Variants in CPPED1 observed in about 807,000 individuals in gnomAD.
CPPED1 encodes the protein calcineurin like phosphoesterase domain containing 1, also known as serine/threonine-protein phosphatase CPPED1.
A neutral mutation model predicts 28.0 loss-of-function variants in CPPED1; 28 were observed. The observed-to-expected ratio is 1.00, with a 90% CI of 0.74 to 1.37. CPPED1 has a LOEUF of 1.37. CPPED1 is among the 40% of genes most tolerant of loss of function. CPPED1 has a pLI of 0.00. For missense variants in CPPED1, 504 were observed against 416.5 expected, an observed-to-expected ratio of 1.21 and a Z score of -1.83; for synonymous variants, 198 against 180.2, an observed-to-expected ratio of 1.10 and a Z score of -0.79.
At chr16:12,712,417 CATG>C (rs1429593060) in intron 2 of CPPED1, among the ~76,000 whole-genome samples, 2 of 152,204 alleles carry the variant, frequency 1.3e-5, no homozygotes, top group Non-Finnish European at 2.9e-5. Flanking sequence ...TTAATAACTT[CATG>C]ATATTGAGTG....
rs1007488607 is a variant in CPPED1, at chr16:12,795,391, G to A, written c.70+8316C>T. Among the ~76,000 whole-genome samples the A allele has an allele frequency of 2.0e-5, 3 of 152,154 alleles. No homozygotes were observed. The South Asian group carries it at 6.2e-4, about 31-fold the overall frequency. On this transcript the variant is annotated intron_variant, in intron 1 of 3. Transcript: ENST00000381774. ...GTCTCGCTCTGTGGCCCAGCCTGGAGTACAGTGGCATGATCTTGGCTCACT... is the reference window on the plus strand; with the variant it reads ...GTCTCGCTCTGTGGCCCAGCCTGGAATACAGTGGCATGATCTTGGCTCACT...
At chr16:12,800,484 G>A (rs1015069848) in intron 1 of CPPED1, among the ~76,000 whole-genome samples, 1 of 151,652 alleles carries the variant, frequency 6.6e-6, no homozygotes, top group Non-Finnish European at 1.5e-5. Context: ...TGCAGCCTCT[G>A]GACAAATCCT....
Position 12,762,350 on chromosome 16 carries a change from T to A in CPPED1, c.289+18835A>T, listed in dbSNP as rs1470422044. On this transcript the variant is annotated intron_variant, in intron 2 of 3. Coordinates refer to ENST00000381774, the MANE Select transcript of CPPED1 (RefSeq NM_018340.3). ...TAAAAATATGATATTGTACTAGTTA[T>A]GCTGTATGTCAGGGCAAGAATCTAA... 1.3e-5 allele frequency among the ~76,000 whole-genome samples: 2 copies of A among 152,250 alleles called. 1 individual carries two copies. Among genetic ancestry groups the A allele is most frequent in the Admixed American group, 1.3e-4 (2 of 15,288 alleles).
At position 12,741,992 on chromosome 16, in the gene CPPED1, G is replaced by A. The variant is rs537258502; in HGVS notation, c.290-36943C>T. 3.9e-5 allele frequency among the ~76,000 whole-genome samples: 6 copies of A among 152,184 alleles called. No homozygotes were observed. In the South Asian group the frequency reaches 1.2e-3, roughly 32 times the overall value. ...GAGGCGGGACAATCGCTTGAACCTG[G>A]GAGGGGGAGGTCACAGTGAGTCGAG... On this transcript the variant is annotated intron_variant, in intron 2 of 3. Coordinates refer to ENST00000381774, the MANE Select transcript of CPPED1 (RefSeq NM_018340.3).
intron 2 of CPPED1, among the ~76,000 whole-genome samples, chr16:12,724,779 T>C (rs1202667295): frequency 1.3e-5 from 2 of 152,184 alleles, no homozygotes; most frequent in Admixed American, 6.6e-5. Flanking sequence ...AGCTCTGAAA[T>C]GACACGATTC....
At chr16:12,741,472 G>C (rs2080255043) in intron 2 of CPPED1, among the ~76,000 whole-genome samples, 1 of 152,150 alleles carries the variant, frequency 6.6e-6, no homozygotes, top group Admixed American at 6.5e-5. Context: ...AGCAGTTTTT[G>C]CAATGGGCCT....
chr16:12,768,305 G>T (rs1001601609), intron 2 of CPPED1, among the ~76,000 whole-genome samples: 4 of 152,176 alleles, frequency 2.6e-5, no homozygotes, highest in African/African-American at 9.7e-5. Context: ...ATAAGGCGAG[G>T]CTCTCTGTTT....
intron 3 of CPPED1, among the ~76,000 whole-genome samples, chr16:12,696,023 C>T (rs1040392794): frequency 2.6e-5 from 4 of 152,184 alleles, no homozygotes; most frequent in African/African-American, 9.7e-5. Context: ...CCAGTACCCC[C>T]TTTTGTTAAA....
At chr16:12,706,837 C>T (rs1314878807) in intron 2 of CPPED1, among the ~76,000 whole-genome samples, 2 of 152,136 alleles carry the variant, frequency 1.3e-5, no homozygotes, top group Admixed American at 1.3e-4. Context: ...CAGGGGTCAG[C>T]CAGCCTTTCC....
chr16:12,727,363 T>G (rs1055900198), intron 2 of CPPED1, among the ~76,000 whole-genome samples: 1 of 152,186 alleles, frequency 6.6e-6, no homozygotes, highest in African/African-American at 2.4e-5. Flanking sequence ...TTTGTTTCTT[T>G]GTTTGTTGAG....
At chr16:12,701,658 G>A (rs1417584116) in intron 3 of CPPED1, among the ~76,000 whole-genome samples, 4 of 152,220 alleles carry the variant, frequency 2.6e-5, no homozygotes, top group African/African-American at 7.2e-5. Flanking sequence ...CCTGGGGGTG[G>A]AGGGAAGCCT....
chr16:12,662,614 G>T lies in CPPED1; in HGVS notation c.*2272C>A, dbSNP rs753156289. 1.3e-5 allele frequency: 2 copies of T among 152,118 alleles called. No individual in the cohort carries two copies. The highest frequency in any genetic ancestry group is 1.3e-4 in the Admixed American group (2 of 15,276). The allele number at this position is 152,118 out of a possible 1,614,324, so 9.4% of individuals were successfully genotyped here. On this transcript the variant is annotated 3_prime_UTR_variant, in exon 4 of 4. Coordinates refer to ENST00000381774, the MANE Select transcript of CPPED1 (RefSeq NM_018340.3). The stretch of plus-strand genomic sequence containing the variant: ...TACACTTTATGTAGCTCCCATTTAT[G>T]AGTGAGAACATGAAGTATTCGACTT...
In CPPED1 at chr16:12,801,095, TTTTG is replaced by T. The variant is rs965046772; in HGVS notation, c.70+2608_70+2611del. ...AGAAATATTTATTTCCTTTCGGTTTTTTTGTTTGTTTGTTTTGAGCTGGAGTCTT... is the reference window on the plus strand; with the variant it reads ...AGAAATATTTATTTCCTTTCGGTTTTTTTGTTTGTTTTGAGCTGGAGTCTT... On this transcript the variant is annotated intron_variant, in intron 1 of 3. Transcript: ENST00000381774. Among the ~76,000 whole-genome samples the T allele has an allele frequency of 7.2e-4, 109 of 152,278 alleles. 1 individual carries two copies. Among genetic ancestry groups the T allele is most frequent in the African/African-American group, 2.3e-3 (97 of 41,566 alleles).
chr16:12,785,820 C>G (rs993616450), intron 1 of CPPED1, among the ~76,000 whole-genome samples: 1 of 152,024 alleles, frequency 6.6e-6, no homozygotes, highest in Non-Finnish European at 1.5e-5. Context: ...AGGCACAGTC[C>G]AGCTTTTCTG....
At chr16:12,715,800 T>C (rs1164870249) in intron 2 of CPPED1, among the ~76,000 whole-genome samples, 1 of 152,192 alleles carries the variant, frequency 6.6e-6, no homozygotes, top group Non-Finnish European at 1.5e-5. Context: ...AGTGCCGGGA[T>C]TACAGGCATG....
chr16:12,686,509 G>T (rs559114482), intron 3 of CPPED1, among the ~76,000 whole-genome samples: 2 of 152,310 alleles, frequency 1.3e-5, no homozygotes, highest in East Asian at 3.9e-4. Flanking sequence ...ATACAGTTTT[G>T]TCAATAAACT....
At chr16:12,696,360 G>A (rs772343590) in intron 3 of CPPED1, among the ~76,000 whole-genome samples, 10 of 151,920 alleles carry the variant, frequency 6.6e-5, no homozygotes, top group South Asian at 2.1e-4. Flanking sequence ...GTCCCCAAAC[G>A]GTTCGGGATC....
At chr16:12,764,060 C>T (rs2141228411) in intron 2 of CPPED1, among the ~76,000 whole-genome samples, 1 of 149,098 alleles carries the variant, frequency 6.7e-6, no homozygotes, top group African/African-American at 2.5e-5. Flanking sequence ...CAAAAAGCTA[C>T]ACATGCAAGT....
At chr16:12,751,789 C>T (rs749537696) in intron 2 of CPPED1, among the ~76,000 whole-genome samples, 4 of 152,110 alleles carry the variant, frequency 2.6e-5, no homozygotes, top group South Asian at 2.1e-4. Context: ...CATGTGTATG[C>T]GTTATATTAA....
Sources: gnomAD v4.1 joint callset for allele counts (sites outside exome capture counted in the v4.1 genomes callset) on GRCh38, gnomAD v4.1.1 for gene constraint, MANE v1.5 for transcripts, NCBI Gene and HGNC (gene_info 2026-07-23, HGNC 2026-07-21) for gene names.